The following NCKAP5 variants were observed in gnomAD, a reference collection of about 807,000 sequenced individuals.
The protein encoded by NCKAP5 is nck-associated protein 5.
Under a neutral mutation model 167.0 loss-of-function variants are expected in NCKAP5, and 92 were observed. That is an observed-to-expected ratio of 0.55 (90% CI 0.47 to 0.66). The LOEUF (loss-of-function observed/expected upper bound fraction) is 0.66. Among genes scored for constraint, NCKAP5 ranks in the 30% least tolerant of loss-of-function variants. NCKAP5 has a pLI of 0.00. For synonymous variants in NCKAP5, 891 were observed against 877.4 expected (o/e 1.02, Z -0.27); for missense variants, 2,378 against 2,315.0 (o/e 1.03, Z -0.56).
At chr2:133,628,234 C>T in the NCKAP5 span, among the ~76,000 whole-genome samples, 1 of 152,116 alleles carries the variant, frequency 6.6e-6, no homozygotes, top group South Asian at 2.1e-4. Context: ...GATCTTATAT[C>T]TAGAAAACCC....
chr2:133,614,124 G>A, the NCKAP5 span, among the ~76,000 whole-genome samples: 1 of 152,140 alleles, frequency 6.6e-6, no homozygotes, highest in African/African-American at 2.4e-5. Context: ...AGCCTTTGAA[G>A]AAACTGGGTC....
chr2:133,105,151 C>A (rs1344764603), intron 6 of NCKAP5, among the ~76,000 whole-genome samples: 1 of 152,104 alleles, frequency 6.6e-6, no homozygotes, highest in Non-Finnish European at 1.5e-5. Context: ...TTTATTGTAT[C>A]TTTAGACAAA....
chr2:133,130,832 G>A (rs1048355122), intron 5 of NCKAP5, among the ~76,000 whole-genome samples: 2 of 136,012 alleles, frequency 1.5e-5, no homozygotes, highest in Admixed American at 7.1e-5. Flanking sequence ...TGTCTTTGTT[G>A]TTTTGTTTTT....
At chr2:132,767,454 C>T (rs1204826376) in intron 16 of NCKAP5, among the ~76,000 whole-genome samples, 1 of 152,152 alleles carries the variant, frequency 6.6e-6, no homozygotes, top group East Asian at 1.9e-4. Context: ...CCCTGTTGGT[C>T]AGGCTGGTCT....
intron 4 of NCKAP5, among the ~76,000 whole-genome samples, chr2:133,242,908 T>A (rs2087789351): frequency 6.6e-6 from 1 of 152,156 alleles, no homozygotes. Context: ...AGCTCAAGCG[T>A]TAGATGACCA....
chr2:132,812,751 C>T (rs1002668485), intron 11 of NCKAP5, among the ~76,000 whole-genome samples: 4 of 152,282 alleles, frequency 2.6e-5, no homozygotes, highest in Admixed American at 6.5e-5. Flanking sequence ...TATTGTGGCT[C>T]ATAAACAATA....
chr2:133,238,514 A>G (rs895959362), intron 4 of NCKAP5, among the ~76,000 whole-genome samples: 1 of 152,188 alleles, frequency 6.6e-6, no homozygotes, highest in African/African-American at 2.4e-5. Flanking sequence ...AAAAGAAGAC[A>G]CAGGCACCGT....
At chr2:133,534,655 C>T (rs944582742) in intron 2 of NCKAP5, among the ~76,000 whole-genome samples, 2 of 152,116 alleles carry the variant, frequency 1.3e-5, no homozygotes, top group Admixed American at 6.5e-5. Context: ...TGTTGCAGCA[C>T]GTGGCAATGC....
At chr2:132,779,111 G>A (rs897578446) in intron 15 of NCKAP5, among the ~76,000 whole-genome samples, 2 of 152,176 alleles carry the variant, frequency 1.3e-5, no homozygotes, top group African/African-American at 4.8e-5. Flanking sequence ...GGGGTCGTTA[G>A]GGAATCTTTG....
At chr2:133,339,040 T>G (rs1683404991) in intron 3 of NCKAP5, among the ~76,000 whole-genome samples, 1 of 151,794 alleles carries the variant, frequency 6.6e-6, no homozygotes, top group South Asian at 2.1e-4. Context: ...AAAATAAAAA[T>G]AAAATACAAG....
intron 3 of NCKAP5, among the ~76,000 whole-genome samples, chr2:133,383,682 C>T (rs1307366470): frequency 1.3e-5 from 2 of 152,218 alleles, no homozygotes; most frequent in Admixed American, 6.5e-5. Flanking sequence ...GTCCCACCAA[C>T]AGTGTAAAAG....
At chr2:132,763,353 C>T (rs1681173692) in intron 16 of NCKAP5, among the ~76,000 whole-genome samples, 1 of 152,126 alleles carries the variant, frequency 6.6e-6, no homozygotes, top group Non-Finnish European at 1.5e-5. Context: ...ACTCCCCTAC[C>T]CTCCAGTGTG....
chr2:133,639,131 C>T, the NCKAP5 span, among the ~76,000 whole-genome samples: 1 of 152,122 alleles, frequency 6.6e-6, no homozygotes, highest in African/African-American at 2.4e-5. Flanking sequence ...CTTATACCAT[C>T]TACTAGGTTG....
intron 5 of NCKAP5, among the ~76,000 whole-genome samples, chr2:133,153,833 C>CTTTTT (rs570596198): frequency 0.02 from 2,227 of 109,644 alleles, 115 homozygotes; most frequent in African/African-American, 0.073. Flanking sequence ...GTTCCTCCTT[C>CTTTTT]TTTTTTTTTT....
At chr2:133,120,191 G>A (rs13021439) in intron 6 of NCKAP5, among the ~76,000 whole-genome samples, 17,549 of 152,160 alleles carry the variant, frequency 0.12, 1,249 homozygotes, top group East Asian at 0.37. Context: ...ACAGTTTAAT[G>A]AAAACTACAA....
At chr2:132,994,111 AG>A (rs767039869) in intron 7 of NCKAP5, 40 bp downstream of exon 7, 1 of 1,379,316 alleles carries the variant, frequency 7.2e-7, no homozygotes, top group African/African-American at 1.5e-5. Flanking sequence ...AAGAAAAACA[AG>A]CAGACCAGTA....
chr2:133,519,223 T>G (rs1684275792), intron 2 of NCKAP5, among the ~76,000 whole-genome samples: 1 of 152,254 alleles, frequency 6.6e-6, no homozygotes, highest in South Asian at 2.1e-4. Context: ...TCCTCCATCT[T>G]AGTCATTTTA....
intron 6 of NCKAP5, among the ~76,000 whole-genome samples, chr2:133,047,068 A>T (rs530544515): frequency 1.3e-5 from 2 of 152,336 alleles, no homozygotes; most frequent in South Asian, 4.2e-4. Context: ...GCACTATTCC[A>T]CACATACCTT....
At chr2:132,919,515 G>T (rs11902289) in intron 8 of NCKAP5, among the ~76,000 whole-genome samples, 2,402 of 152,178 alleles carry the variant, frequency 0.016, 50 homozygotes, top group African/African-American at 0.055. Flanking sequence ...CTAGCTAAAA[G>T]AAATTAATGT....
Sources: allele counts gnomAD v4.1 joint callset (sites outside exome capture counted in the v4.1 genomes callset), GRCh38; gene constraint gnomAD v4.1.1; transcripts MANE v1.5; gene names NCBI Gene and HGNC (gene_info 2026-07-23, HGNC 2026-07-21).